TBC1D4: variants seen among roughly 807,000 people sequenced by gnomAD.
TBC1D4 encodes TBC1 domain family member 4.
Under a neutral mutation model 142.5 loss-of-function variants are expected in TBC1D4, and 121 were observed. The observed-to-expected ratio is 0.85, with a 90% confidence interval of 0.73 to 0.99. The LOEUF (loss-of-function observed/expected upper bound fraction) is 0.99. Among genes scored for constraint, TBC1D4 ranks in the 50% least tolerant of loss-of-function variants. The probability of loss-of-function intolerance (pLI) is 0.00; values close to 1 mark genes in which losing one functional copy is unlikely to be tolerated. For missense variants in TBC1D4, 1,475 were observed against 1,606.6 expected, an observed-to-expected ratio of 0.92 and a Z score of 1.40; for synonymous variants, 630 against 628.2, an observed-to-expected ratio of 1.00 and a Z score of -0.04.
At chr13:75,442,551 C>CA (rs530979858) in intron 1 of TBC1D4, among the ~76,000 whole-genome samples, 50 of 152,074 alleles carry the variant, frequency 3.3e-4, no homozygotes, top group African/African-American at 1.2e-3. Context: ...GAGGCCGAGG[C>CA]AGGCAGATCA....
At chr13:75,401,726 T>C (rs1885104815) in intron 1 of TBC1D4, among the ~76,000 whole-genome samples, 1 of 152,206 alleles carries the variant, frequency 6.6e-6, no homozygotes, top group African/African-American at 2.4e-5. Flanking sequence ...GTTGTTCTTG[T>C]TGTTGTTAGC....
At chr13:75,308,638 G>T (rs2137921719) in intron 14 of TBC1D4, among the ~76,000 whole-genome samples, 1 of 152,204 alleles carries the variant, frequency 6.6e-6, no homozygotes, top group Non-Finnish European at 1.5e-5. Flanking sequence ...TAAATTTTTT[G>T]AGGAAAGGAT....
intron 1 of TBC1D4, among the ~76,000 whole-genome samples, chr13:75,404,051 G>GATAT (rs200553778): frequency 0.34 from 49,988 of 148,430 alleles, 10,080 homozygotes; most frequent in African/African-American, 0.55. Context: ...TTGTAGGGGG[G>GATAT]ATATATATAC....
At chr13:75,442,771 C>T (rs1464965717) in intron 1 of TBC1D4, among the ~76,000 whole-genome samples, 1 of 146,980 alleles carries the variant, frequency 6.8e-6, no homozygotes, top group African/African-American at 2.5e-5. Context: ...GAGCGAGACT[C>T]GGTTTCGGAA....
chr13:75,410,935 CAAAAAAAAAAAAAAA>C (rs60172018), intron 1 of TBC1D4, among the ~76,000 whole-genome samples: 6 of 63,210 alleles, frequency 9.5e-5, no homozygotes, highest in African/African-American at 2.6e-4. Context: ...GACTCCGTCT[CAAAAAAAAAAAAAAA>C]AAAAAAAAAA....
chr13:75,310,107 G>A lies in TBC1D4; in HGVS notation c.2428C>T (p.Pro810Ser). The A allele has an allele frequency of 6.2e-7, 1 of 1,613,918 alleles. No homozygotes were observed. The highest frequency in any genetic ancestry group is 1.1e-5 in the South Asian group (1 of 91,068). Residue 810 changes from proline (P) to serine (S), a missense_variant, in exon 14 of 21, where the codon CCA (proline) becomes TCA (serine). Physicochemically the swap from Pro to Ser is moderately conservative, Grantham distance 74 (BLOSUM62 -1). Around this residue, in one of 2 missense-constraint regions of TBC1D4, gnomAD observed 1,227 missense variants for 1,267.7 expected, o/e 0.97. Transcript: ENST00000377636. The part of the protein sequence containing the change: ...NELLPLSPLS[P>S]TMEEEPLVVF... ...ACCAGCGGTTCCTCCTCCATGGTTGGAGAGAGGGGGGACAGTGGCAGCAGC... is the reference window on the plus strand; with the variant it reads ...ACCAGCGGTTCCTCCTCCATGGTTGAAGAGAGGGGGGACAGTGGCAGCAGC...
At chr13:75,455,537 T>C (rs1291165989) in intron 1 of TBC1D4, among the ~76,000 whole-genome samples, 1 of 151,498 alleles carries the variant, frequency 6.6e-6, no homozygotes, top group Non-Finnish European at 1.5e-5. Context: ...AGCCTAGGAG[T>C]TCAAGTCCAG....
chr13:75,432,564 G>A (rs1886635900), intron 1 of TBC1D4, among the ~76,000 whole-genome samples: 1 of 152,104 alleles, frequency 6.6e-6, no homozygotes, highest in African/African-American at 2.4e-5. Flanking sequence ...GGAGGTGTGG[G>A]AATTTATAAC....
At chr13:75,442,393 C>T (rs1398100739) in intron 1 of TBC1D4, among the ~76,000 whole-genome samples, 1 of 151,734 alleles carries the variant, frequency 6.6e-6, no homozygotes, top group African/African-American at 2.4e-5. Flanking sequence ...ATTCTAATAA[C>T]AATAATGAAA....
intron 16 of TBC1D4, among the ~76,000 whole-genome samples, chr13:75,301,644 C>CAAA (rs35184321): frequency 2.4e-5 from 3 of 124,166 alleles, no homozygotes; most frequent in South Asian, 2.7e-4. Flanking sequence ...GACTCCATCT[C>CAAA]AAAAAAAAAA....
chr13:75,432,157 G>A (rs1464323453), intron 1 of TBC1D4, among the ~76,000 whole-genome samples: 1 of 152,124 alleles, frequency 6.6e-6, no homozygotes, highest in African/African-American at 2.4e-5. Flanking sequence ...TGGCTTTACA[G>A]ACAAATCAAA....
chr13:75,434,907 G>A (rs1172805394), intron 1 of TBC1D4, among the ~76,000 whole-genome samples: 1 of 150,184 alleles, frequency 6.7e-6, no homozygotes, highest in Non-Finnish European at 1.5e-5. Context: ...CAGCACTTTG[G>A]GAGGCCAAGG....
At chr13:75,358,368 TTC>T (rs1882229463) in intron 3 of TBC1D4, among the ~76,000 whole-genome samples, 1 of 152,228 alleles carries the variant, frequency 6.6e-6, no homozygotes, top group Non-Finnish European at 1.5e-5. Context: ...CAGTTAAAAT[TTC>T]TGTGTCCTTT....
chr13:75,300,496 C>A (rs912412026), intron 16 of TBC1D4, among the ~76,000 whole-genome samples: 4 of 151,658 alleles, frequency 2.6e-5, no homozygotes, highest in Admixed American at 2.6e-4. Context: ...TTTTCTCCCA[C>A]ATATGCTTAA....
At position 75,362,509 on chromosome 13, in the gene TBC1D4, A is replaced by T; in HGVS notation, c.597T>A (p.Ser199=). ...CACAGTACAGGACTTCGAACTTCTG[A>T]GAGTTGTAAAAGGCGTCCTCATTAT... is the stretch of plus-strand genomic sequence containing the variant. ...SKDNEDAFYN[S]QKFEVLYCGK... Residue 199 remains serine (S), a synonymous_variant, in exon 2 of 21, where the codon TCT becomes TCA. Coordinates refer to ENST00000377636, the MANE Select transcript of TBC1D4 (RefSeq NM_014832.5). The surrounding 1 kb of genome is among the most constrained non-coding windows in gnomAD (Gnocchi z 4.2). The T allele has an allele frequency of 6.2e-7, 1 of 1,614,156 alleles. No homozygotes were observed. The highest frequency in any genetic ancestry group is 1.1e-5 in the South Asian group (1 of 91,078).
At position 75,334,904 on chromosome 13, in the gene TBC1D4, A is replaced by G. The variant is rs1593746206; in HGVS notation, c.1731+2017T>C. ...AATTTCTACCCTTTTCATATTAGTA[A>G]TTTCTTCCTCCCTGGACCCCACTAT... On this transcript the variant is annotated intron_variant, in intron 8 of 20. Transcript: ENST00000377636. Among the ~76,000 whole-genome samples, 3 of 152,018 alleles carry G rather than the reference A, an allele frequency of 2.0e-5. No individual in the cohort carries two copies. In the South Asian group the frequency reaches 6.2e-4, roughly 32 times the overall value.
At chr13:75,419,063 T>C (rs1333548691) in intron 1 of TBC1D4, among the ~76,000 whole-genome samples, 2 of 152,074 alleles carry the variant, frequency 1.3e-5, no homozygotes, top group East Asian at 1.9e-4. Flanking sequence ...TTTCTCTCTC[T>C]TTCACACACA....
At chr13:75,350,406 C>G (rs2138120002) in intron 4 of TBC1D4, among the ~76,000 whole-genome samples, 1 of 152,234 alleles carries the variant, frequency 6.6e-6, no homozygotes, top group Non-Finnish European at 1.5e-5. Flanking sequence ...AGATCAAACA[C>G]CAAGCAGTCA....
At position 75,297,549 on chromosome 13, in the gene TBC1D4, G is replaced by T. The variant is rs529825819; in HGVS notation, c.3156+1781C>A. Among the ~76,000 whole-genome samples, 5 of 152,200 alleles carry T rather than the reference G, an allele frequency of 3.3e-5. No homozygotes were observed. The East Asian group carries it at 7.7e-4, about 24-fold the overall frequency. ...CAGGTGGATCACCTGAGGTCCGGAAGTTTGAGACCAGCCTGCCCAACACAG... is the reference window on the plus strand; with the variant it reads ...CAGGTGGATCACCTGAGGTCCGGAATTTTGAGACCAGCCTGCCCAACACAG... On this transcript the variant is annotated intron_variant, in intron 17 of 20. Transcript: ENST00000377636.
Sources: gnomAD v4.1 joint callset for allele counts (sites outside exome capture counted in the v4.1 genomes callset) on GRCh38, gnomAD v4.1.1 for gene constraint, gnomAD v4.1.1 regional missense constraint, Gnocchi (gnomAD v3.1) non-coding constraint, MANE v1.5 for transcripts, NCBI Gene and HGNC (gene_info 2026-07-23, HGNC 2026-07-21) for gene names.